The following LRFN4 variants were observed in gnomAD, a reference collection of about 807,000 sequenced individuals.
The protein encoded by LRFN4 is leucine rich repeat and fibronectin type III domain containing 4.
In LRFN4, 10 loss-of-function variants were observed where a neutral mutation model predicts 29.0. That is an observed-to-expected ratio of 0.35 (90% CI 0.21 to 0.59). The LOEUF (loss-of-function observed/expected upper bound fraction) is 0.59. Ranked by LOEUF, LRFN4 falls within the 20% of genes least tolerant of loss-of-function variation. The pLI is 0.82. For missense variants in LRFN4, 850 were observed against 907.9 expected (o/e 0.94, Z 0.82); for synonymous variants, 493 against 437.0 (o/e 1.13, Z -1.60).
Position 66,857,591 on chromosome 11 carries a change from C to T in LRFN4, c.-154C>T, listed in dbSNP as rs1945942724. 2 of 780,446 alleles carry T rather than the reference C, an allele frequency of 2.6e-6. No homozygotes were observed. Among genetic ancestry groups the T allele is most frequent in the Non-Finnish European group, 2.0e-6 (1 of 503,448 alleles). The allele number at this position is 780,446 out of a possible 1,614,324, so 48.3% of individuals were successfully genotyped here. Reference sequence around the variant, plus strand: ...CTGGCCCTGCAGGCCCCAACCTTCCCTCATCTCTGGCGGCCCTCTTGGGCC... The same window carrying T: ...CTGGCCCTGCAGGCCCCAACCTTCCTTCATCTCTGGCGGCCCTCTTGGGCC... On this transcript the variant is annotated 5_prime_UTR_variant, in exon 1 of 2. Coordinates refer to ENST00000309602, the MANE Select transcript of LRFN4 (RefSeq NM_024036.5). The surrounding 1 kb of genome is among the most constrained non-coding windows in gnomAD (Gnocchi z 7.1).
chr11:66,859,074 G>A lies in LRFN4; in HGVS notation c.1330G>A (p.Asp444Asn), dbSNP rs139704723. Residue 444 changes from aspartate (D) to asparagine (N), a missense_variant, in exon 1 of 2, where the codon GAT (aspartate) becomes AAT (asparagine). By Grantham distance (23) the Asp-to-Asn change is conservative. Around this residue, in one of 2 missense-constraint regions of LRFN4, gnomAD observed 744 missense variants for 753.8 expected, o/e 0.99. Transcript: ENST00000309602. ...CCAAATCCAGTACAACAGCAGCGAA[G>A]ATGAGACCCTCATCTACCGGTGAGG... is the stretch of plus-strand genomic sequence containing the variant. ...MFQIQYNSSEDETLIYRIVPA... is the reference protein window; with the variant it reads ...MFQIQYNSSENETLIYRIVPA... The A allele has an allele frequency of 6.7e-7, 1 of 1,490,718 alleles. No individual in the cohort carries two copies. The highest frequency in any genetic ancestry group is 1.4e-5 in the African/African-American group (1 of 70,134). The allele number at this position is 1,490,718 out of a possible 1,614,324, so 92.3% of individuals were successfully genotyped here.
Position 66,858,124 on chromosome 11 carries a change from T to G in LRFN4, c.380T>G (p.Leu127Arg). Residue 127 changes from leucine to arginine, a missense_variant, in exon 1 of 2, where the codon CTC becomes CGC. By Grantham distance (102) the Leu-to-Arg change is moderately radical (BLOSUM62 -2). Transcript: ENST00000309602. This position sits in a 1 kb window ranked among gnomAD's most constrained non-coding sequence, Gnocchi z 5.9. ...RGPVNLQHLI[L>R]SGNQLGRIAP... ...CCCGTCAATCTGCAGCACCTCATCC[T>G]CAGCGGCAACCAGCTGGGCCGCATC... 6.2e-7 allele frequency: 1 copy of G among 1,610,738 alleles called. No homozygotes were observed. Among genetic ancestry groups the G allele is most frequent in the Non-Finnish European group, 8.5e-7 (1 of 1,178,868 alleles).
At position 66,859,817 on chromosome 11, in the gene LRFN4, G is replaced by T. The variant is rs769852392; in HGVS notation, c.1530G>T (p.Gln510His). The T allele has an allele frequency of 6.3e-7, 1 of 1,584,612 alleles. No homozygotes were observed. The highest frequency in any genetic ancestry group is 8.6e-7 in the Non-Finnish European group (1 of 1,164,980). ...CCTCGCCCCTGTGCCACGCCCTGCA[G>T]GCCCACGTGCTGGGCGGGACCCTGA... ...LPASPLCHALQAHVLGGTLTV... is the reference protein window; with the variant it reads ...LPASPLCHALHAHVLGGTLTV... The change falls in exon 2 of 2, where the codon CAG (glutamine) becomes CAT (histidine). Residue 510 changes from glutamine to histidine, a missense_variant. By Grantham distance (24) the Gln-to-His change is conservative. Around this residue, in one of 2 missense-constraint regions of LRFN4, gnomAD observed 744 missense variants for 753.8 expected, o/e 0.99. Transcript: ENST00000309602.
chr11:66,857,627 C>A lies in LRFN4; in HGVS notation c.-118C>A. 2 of 1,191,926 alleles carry A rather than the reference C, an allele frequency of 1.7e-6. No individual in the cohort carries two copies. The highest frequency in any genetic ancestry group is 1.5e-5 in the African/African-American group (1 of 64,936). The allele number at this position is 1,191,926 out of a possible 1,614,324, so 73.8% of individuals were successfully genotyped here. On this transcript the variant is annotated 5_prime_UTR_variant, in exon 1 of 2. Coordinates refer to ENST00000309602, the MANE Select transcript of LRFN4 (RefSeq NM_024036.5). The surrounding 1 kb of genome is among the most constrained non-coding windows in gnomAD (Gnocchi z 7.1). ...CGGCCCTCTTGGGCCTCTGACCCAG[C>A]CCCTCCCCGGGCCAGGCTCACAGAA...
intron 1 of LRFN4, among the ~76,000 whole-genome samples, 195 bp from the exon 2 acceptor site, chr11:66,859,442 C>G (rs1946103757): frequency 6.6e-6 from 1 of 152,218 alleles, no homozygotes; most frequent in Non-Finnish European, 1.5e-5. Flanking sequence ...ATTCCCCTCG[C>G]TTGCCTGCGT....
chr11:66,859,809 G>A lies in LRFN4; in HGVS notation c.1522G>A (p.Ala508Thr), dbSNP rs200702977. Residue 508 changes from alanine to threonine, a missense_variant, in exon 2 of 2, where the codon GCC (alanine) becomes ACC (threonine). Physicochemically the swap from Ala to Thr is moderately conservative, Grantham distance 58. Around this residue, in one of 2 missense-constraint regions of LRFN4, gnomAD observed 744 missense variants for 753.8 expected, o/e 0.99. Transcript: ENST00000309602. The stretch of plus-strand genomic sequence containing the variant: ...GCTGCCGGCCTCGCCCCTGTGCCAC[G>A]CCCTGCAGGCCCACGTGCTGGGCGG... ...STLPASPLCH[A>T]LQAHVLGGTL... 4 of 1,585,668 alleles carry A rather than the reference G, an allele frequency of 2.5e-6. No individual in the cohort carries two copies. Among genetic ancestry groups the A allele is most frequent in the Admixed American group, 1.7e-5 (1 of 57,522 alleles).
rs373081377 is a variant in LRFN4, at chr11:66,857,873, G to A, written c.129G>A (p.Pro43=). The A allele has an allele frequency of 1.6e-4, 250 of 1,610,350 alleles. No homozygotes were observed. Among genetic ancestry groups the A allele is most frequent in the Non-Finnish European group, 2.0e-4 (240 of 1,179,902 alleles). Residue 43 remains proline, a synonymous_variant, in exon 1 of 2, where the codon CCG becomes CCA. Coordinates refer to ENST00000309602, the MANE Select transcript of LRFN4 (RefSeq NM_024036.5). The surrounding 1 kb of genome is among the most constrained non-coding windows in gnomAD (Gnocchi z 7.1). ...CCCACCGAGGCCTGCTGTTTGTGCC[G>A]CCCAACGTGGACCGGCGCACAGTGG... ...LCAHRGLLFV[P]PNVDRRTVEL... is the part of the protein sequence containing the mutation.
chr11:66,860,245 A>C lies in LRFN4; in HGVS notation c.*50A>C. ...CCAAGGGATGAGCCTCGTGGGGCAGAGGGCCCGGGGCCGCCGCCTGGCCTG... is the reference window on the plus strand; with the variant it reads ...CCAAGGGATGAGCCTCGTGGGGCAGCGGGCCCGGGGCCGCCGCCTGGCCTG... On this transcript the variant is annotated 3_prime_UTR_variant, in exon 2 of 2. Coordinates refer to ENST00000309602, the MANE Select transcript of LRFN4 (RefSeq NM_024036.5). 6.5e-7 allele frequency: 1 copy of C among 1,537,914 alleles called. No individual in the cohort carries two copies. Among genetic ancestry groups the C allele is most frequent in the Non-Finnish European group, 8.7e-7 (1 of 1,146,772 alleles).
In LRFN4 at chr11:66,858,731, G is replaced by A. The variant is rs952871230; in HGVS notation, c.987G>A (p.Arg329=). The stretch of plus-strand genomic sequence containing the variant: ...TGGTTGGCAACTCCTCCCGAGCCCG[G>A]GCTTTCCCCAACGGGACCTTAGAGA... The part of the protein sequence containing the change: ...DRLVGNSSRA[R]AFPNGTLEIG... The change falls in exon 1 of 2, where the codon CGG becomes CGA. Residue 329 remains arginine (R), a synonymous_variant. Transcript: ENST00000309602. The surrounding 1 kb of genome is among the most constrained non-coding windows in gnomAD (Gnocchi z 5.9). The A allele has an allele frequency of 1.3e-6, 2 of 1,554,494 alleles. No homozygotes were observed. The highest frequency in any genetic ancestry group is 2.4e-5 in the East Asian group (1 of 41,562).
chr11:66,858,890 C>G lies in LRFN4; in HGVS notation c.1146C>G (p.Gly382=). Residue 382 remains glycine (G), a synonymous_variant, in exon 1 of 2, where the codon GGC becomes GGG. Transcript: ENST00000309602. This position sits in a 1 kb window ranked among gnomAD's most constrained non-coding sequence, Gnocchi z 5.9. The part of the protein sequence containing the change: ...PHGGNSSAEG[G]RPGPSDIAAS... ...GTGGGAACAGCAGTGCCGAGGGGGGCCGCCCCGGGCCCTCGGACATCGCCG... is the reference window on the plus strand; with the variant it reads ...GTGGGAACAGCAGTGCCGAGGGGGGGCGCCCCGGGCCCTCGGACATCGCCG... 2 of 1,554,578 alleles carry G rather than the reference C, an allele frequency of 1.3e-6. No homozygotes were observed. The highest frequency in any genetic ancestry group is 1.7e-6 in the Non-Finnish European group (2 of 1,149,512).
Position 66,860,224 on chromosome 11 carries a change from G to A in LRFN4, c.*29G>A, listed in dbSNP as rs374747976. 1.7e-4 allele frequency: 259 copies of A among 1,540,284 alleles called. 1 individual carries two copies. In the African/African-American group the frequency reaches 3.3e-3, roughly 20 times the overall value. On this transcript the variant is annotated 3_prime_UTR_variant, in exon 2 of 2. Transcript: ENST00000309602. ...ACGGGCAGCTTCCTGTGTGCTCCAA[G>A]GGATGAGCCTCGTGGGGCAGAGGGC...
At chr11:66,859,290 G>T (rs1251534553) in intron 1 of LRFN4, among the ~76,000 whole-genome samples, 197 bp downstream of exon 1, 2 of 152,164 alleles carry the variant, frequency 1.3e-5, no homozygotes, top group Non-Finnish European at 2.9e-5. Flanking sequence ...AGGGGCGGCA[G>T]AAGGACCCCA....
At position 66,858,440 on chromosome 11, in the gene LRFN4, C is replaced by A; in HGVS notation, c.696C>A (p.Ser232Arg). 3 of 1,552,192 alleles carry A rather than the reference C, an allele frequency of 1.9e-6. No homozygotes were observed. Among genetic ancestry groups the A allele is most frequent in the Non-Finnish European group, 1.7e-6 (2 of 1,155,136 alleles). ...CCGCCCCCCTGGTGCTGAGCTTTAG[C>A]GGGAACCCCCTGCACTGCAACTGTG... Reference protein sequence around the residue: ...ASPAPLVLSFSGNPLHCNCEL... With the variant: ...ASPAPLVLSFRGNPLHCNCEL... Residue 232 changes from serine to arginine, a missense_variant, in exon 1 of 2, where the codon AGC becomes AGA. Physicochemically the swap from Ser to Arg is moderately radical, Grantham distance 110 (BLOSUM62 -1). Coordinates refer to ENST00000309602, the MANE Select transcript of LRFN4 (RefSeq NM_024036.5). This position sits in a 1 kb window ranked among gnomAD's most constrained non-coding sequence, Gnocchi z 5.9.
At position 66,858,855 on chromosome 11, in the gene LRFN4, T is replaced by A; in HGVS notation, c.1111T>A (p.Leu371Met). The part of the protein sequence containing the change: ...TARVELRVLA[L>M]PHGGNSSAEG... ...CCGAGTAGAACTGCGGGTGCTGGCC[T>A]TGCCCCATGGTGGGAACAGCAGTGC... Residue 371 changes from leucine to methionine, a missense_variant, in exon 1 of 2, where the codon TTG (leucine) becomes ATG (methionine). Coordinates refer to ENST00000309602, the MANE Select transcript of LRFN4 (RefSeq NM_024036.5). The surrounding 1 kb of genome is among the most constrained non-coding windows in gnomAD (Gnocchi z 5.9). The A allele has an allele frequency of 6.4e-7, 1 of 1,553,994 alleles. No individual in the cohort carries two copies. Among genetic ancestry groups the A allele is most frequent in the Non-Finnish European group, 8.7e-7 (1 of 1,149,800 alleles).
At position 66,858,344 on chromosome 11, in the gene LRFN4, C is replaced by T. The variant is rs1165673703; in HGVS notation, c.600C>T (p.Leu200=). ...TCGGTCAGCTCTCCCGCCTGGACCT[C>T]ACCTCCAACCGCCTGGCCACGCTGG... ...AQLGQLSRLD[L]TSNRLATLAP... The change falls in exon 1 of 2, where the codon CTC becomes CTT. Residue 200 remains leucine, a synonymous_variant. Coordinates refer to ENST00000309602, the MANE Select transcript of LRFN4 (RefSeq NM_024036.5). This position sits in a 1 kb window ranked among gnomAD's most constrained non-coding sequence, Gnocchi z 5.9. 1.2e-6 allele frequency: 2 copies of T among 1,603,096 alleles called. No homozygotes were observed. The highest frequency in any genetic ancestry group is 1.7e-6 in the Non-Finnish European group (2 of 1,177,668).
At position 66,857,436 on chromosome 11, in the gene LRFN4, T is replaced by G; in HGVS notation, c.-309T>G. ...GCGGCTGGCGATTCCTGGGGACGCC[T>G]GGGAAAGGAAGTTCCGGGACCCTCC... On this transcript the variant is annotated 5_prime_UTR_variant, in exon 1 of 2. Transcript: ENST00000309602. This position sits in a 1 kb window ranked among gnomAD's most constrained non-coding sequence, Gnocchi z 7.1. 3.0e-6 allele frequency: 1 copy of G among 334,382 alleles called. No homozygotes were observed. Among genetic ancestry groups the G allele is most frequent in the Non-Finnish European group, 5.4e-6 (1 of 184,888 alleles). The allele number at this position is 334,382 out of a possible 1,614,324, so 20.7% of individuals were successfully genotyped here.
chr11:66,857,630 CTCCCCGGGCCAG>C lies in LRFN4; in HGVS notation c.-114_-103del. 2.4e-6 allele frequency: 3 copies of C among 1,236,848 alleles called. No individual in the cohort carries two copies. In the South Asian group the frequency reaches 4.7e-5, roughly 19 times the overall value. The allele number at this position is 1,236,848 out of a possible 1,614,324, so 76.6% of individuals were successfully genotyped here. On this transcript the variant is annotated 5_prime_UTR_variant, in exon 1 of 2. Transcript: ENST00000309602. The surrounding 1 kb of genome is among the most constrained non-coding windows in gnomAD (Gnocchi z 7.1). Reference sequence around the variant, plus strand: ...CCCTCTTGGGCCTCTGACCCAGCCCCTCCCCGGGCCAGGCTCACAGAAGCTGGCTTCTGGGAC... The same window carrying C: ...CCCTCTTGGGCCTCTGACCCAGCCCCGCTCACAGAAGCTGGCTTCTGGGAC...
At position 66,858,560 on chromosome 11, in the gene LRFN4, C is replaced by G. The variant is rs770206065; in HGVS notation, c.816C>G (p.Pro272=). Residue 272 remains proline (P), a synonymous_variant, in exon 1 of 2, where the codon CCC becomes CCG. Transcript: ENST00000309602. This position sits in a 1 kb window ranked among gnomAD's most constrained non-coding sequence, Gnocchi z 5.9. ...GLAGRYFWAV[P]EGEFSCEPPL... ...CCGGCCGCTACTTCTGGGCAGTGCCCGAGGGCGAGTTCTCCTGTGAGCCGC... is the reference window on the plus strand; with the variant it reads ...CCGGCCGCTACTTCTGGGCAGTGCCGGAGGGCGAGTTCTCCTGTGAGCCGC... 3 of 1,532,876 alleles carry G rather than the reference C, an allele frequency of 2.0e-6. No individual in the cohort carries two copies. The highest frequency in any genetic ancestry group is 1.4e-5 in the African/African-American group (1 of 72,932). The allele number at this position is 1,532,876 out of a possible 1,614,324, so 95.0% of individuals were successfully genotyped here. A position where few individuals can be genotyped will look rare whatever the true frequency, so the allele number is the denominator to read the frequency against.
Position 66,858,099 on chromosome 11 carries a change from C to T in LRFN4, c.355C>T (p.Pro119Ser), listed in dbSNP as rs1335754633. ...VELGTGSLRG[P>S]VNLQHLILSG... ...GCTGGGCACCGGGAGCCTCCGGGGC[C>T]CCGTCAATCTGCAGCACCTCATCCT... The change falls in exon 1 of 2, where the codon CCC (proline) becomes TCC (serine). Residue 119 changes from proline to serine, a missense_variant. Physicochemically the swap from Pro to Ser is moderately conservative, Grantham distance 74 (BLOSUM62 -1). This residue lies in a region of LRFN4 where 744 missense variants were observed against 753.8 expected (regional missense o/e 0.99). Coordinates refer to ENST00000309602, the MANE Select transcript of LRFN4 (RefSeq NM_024036.5). This position sits in a 1 kb window ranked among gnomAD's most constrained non-coding sequence, Gnocchi z 5.9. 1 of 1,609,788 alleles carries T rather than the reference C, an allele frequency of 6.2e-7. No individual in the cohort carries two copies. Among genetic ancestry groups the T allele is most frequent in the Non-Finnish European group, 8.5e-7 (1 of 1,178,380 alleles).
Sources: gnomAD v4.1 joint callset for allele counts (sites outside exome capture counted in the v4.1 genomes callset) on GRCh38, gnomAD v4.1.1 for gene constraint, gnomAD v4.1.1 regional missense constraint, Gnocchi (gnomAD v3.1) non-coding constraint, MANE v1.5 for transcripts, NCBI Gene and HGNC (gene_info 2026-07-23, HGNC 2026-07-21) for gene names.